Variants in USP9X observed in about 807,000 individuals in gnomAD.
USP9X encodes the protein ubiquitin carboxyl-terminal hydrolase 9X.
A neutral mutation model predicts 190.3 loss-of-function variants in USP9X; 7 were observed. The observed-to-expected ratio is 0.04, with a 90% confidence interval of 0.02 to 0.07. The LOEUF (loss-of-function observed/expected upper bound fraction) is 0.07. USP9X is among the 10% of genes least tolerant of loss of function. The pLI, the probability that USP9X is intolerant of heterozygous loss-of-function variation, is 1.00. For synonymous variants in USP9X, 645 were observed against 659.5 expected (o/e 0.98, Z 0.34); for missense variants, 1,010 against 1,916.9 (o/e 0.53, Z 8.83).
At chrX:41,197,331 T>TGCG in intron 28 of USP9X, 33 bp from the exon 29 acceptor site, 10 of 486,759 alleles carry the variant, frequency 2.1e-5, no homozygotes, top group South Asian at 1.2e-4. Flanking sequence ...TTTGATTTCT[T>TGCG]CCCCCCCCCA....
chrX:41,158,740 G>T (rs936685520), intron 14 of USP9X, among the ~76,000 whole-genome samples: 2 of 111,266 alleles, frequency 1.8e-5, no homozygotes, highest in African/African-American at 6.5e-5. Context: ...TGGGGGGTGG[G>T]GGGCTCACCT....
At chrX:41,202,855 A>C (rs1431016579) in intron 31 of USP9X, among the ~76,000 whole-genome samples, 1 of 111,947 alleles carries the variant, frequency 8.9e-6, no homozygotes, top group Non-Finnish European at 1.9e-5. Flanking sequence ...CACAATTTCA[A>C]ATAAGGTGTA....
intron 15 of USP9X, among the ~76,000 whole-genome samples, chrX:41,163,091 G>A (rs2062647153): frequency 8.9e-6 from 1 of 111,987 alleles, no homozygotes; most frequent in Non-Finnish European, 1.9e-5. Flanking sequence ...TTAACCTTTA[G>A]AATTGACTTC....
At chrX:41,189,582 C>A in intron 26 of USP9X, 107 bp downstream of exon 26, 1 of 745,493 alleles carries the variant, frequency 1.3e-6, no homozygotes. Context: ...GTCTCTATGG[C>A]ATATTGGTAT....
At chrX:41,157,395 G>A (rs1050424593) in intron 14 of USP9X, among the ~76,000 whole-genome samples, 13 of 110,885 alleles carry the variant, frequency 1.2e-4, no homozygotes, top group African/African-American at 4.3e-4. Context: ...AAATCTACTA[G>A]TCAAGGAGGC....
rs191983819 is a variant in USP9X at position 41,118,634 on chromosome X, C to T, written c.-158-4837C>T. 4.5e-5 allele frequency among the ~76,000 whole-genome samples: 5 copies of T among 111,433 alleles called. No individual in the cohort carries two copies. The Admixed American group carries it at 4.8e-4, about 11-fold the overall frequency. On this transcript the variant is annotated intron_variant, in intron 1 of 44. Coordinates refer to ENST00000378308, the MANE Select transcript of USP9X (RefSeq NM_001039591.3). ...CACTTGGGAATATATAGTCGCTAACCTCATCACTCTCAGGAGGAGATGGTA... is the reference window on the plus strand; with the variant it reads ...CACTTGGGAATATATAGTCGCTAACTTCATCACTCTCAGGAGGAGATGGTA...
intron 26 of USP9X, among the ~76,000 whole-genome samples, chrX:41,195,046 C>CTTTTTTTTTTCTTTT (rs931341447): frequency 3.8e-5 from 4 of 104,686 alleles, no homozygotes; most frequent in Non-Finnish European, 7.8e-5. Flanking sequence ...TTTTTTCTTT[C>CTTTTTTTTTTCTTTT]TTTTTTTTGG....
chrX:41,098,471 A>G (rs191588481), intron 1 of USP9X, among the ~76,000 whole-genome samples: 1 of 108,668 alleles, frequency 9.2e-6, no homozygotes, highest in Admixed American at 9.9e-5. Context: ...TGTTATGCCT[A>G]TTTTTGAACT....
intron 38 of USP9X, among the ~76,000 whole-genome samples, chrX:41,219,652 A>T (rs1336840573): frequency 9.0e-6 from 1 of 111,492 alleles, no homozygotes. Context: ...GTTTTTGTTT[A>T]AGTAAACTAC....
chrX:41,184,242 T>C, intron 22 of USP9X, 114 bp downstream of exon 22: 1 of 1,011,580 alleles, frequency 9.9e-7, no homozygotes, highest in African/African-American at 1.9e-5. Context: ...TTGGGTAAAA[T>C]TGTAATGAAG....
At chrX:41,131,089 GTC>G (rs767554213) in intron 3 of USP9X, among the ~76,000 whole-genome samples, 10 of 109,883 alleles carry the variant, frequency 9.1e-5, no homozygotes, top group African/African-American at 3.3e-4. Context: ...TTATCATAAT[GTC>G]TCCTTTGATC....
chrX:41,092,937 A>G (rs763437645), intron 1 of USP9X, among the ~76,000 whole-genome samples: 2 of 110,747 alleles, frequency 1.8e-5, no homozygotes, highest in South Asian at 7.7e-4. Flanking sequence ...TGGTGACGCA[A>G]TCATAGCTCA....
chrX:41,130,329 C>G (rs2062297790), intron 3 of USP9X, among the ~76,000 whole-genome samples: 1 of 110,501 alleles, frequency 9.0e-6, no homozygotes, highest in Admixed American at 9.6e-5. Context: ...GATACCATAG[C>G]AGAAGGTTGT....
At chrX:41,152,799 T>A (rs1226101344) in intron 13 of USP9X, 149 bp from the exon 14 acceptor site, 4 of 518,432 alleles carry the variant, frequency 7.7e-6, no homozygotes, top group Non-Finnish European at 1.2e-5. Flanking sequence ...TTTAAGTTGG[T>A]TGTGATATTT....
chrX:41,172,583 C>T (rs2062736580), intron 21 of USP9X, among the ~76,000 whole-genome samples: 1 of 111,945 alleles, frequency 8.9e-6, no homozygotes, highest in African/African-American at 3.2e-5. Context: ...ACCCCCACAT[C>T]CTCCCAGTAT....
intron 26 of USP9X, 101 bp downstream of exon 26, chrX:41,189,576 C>T: frequency 1.3e-6 from 1 of 780,012 alleles, no homozygotes; most frequent in Non-Finnish European, 1.8e-6. Context: ...TTTATTGTCT[C>T]TATGGCATAT....
chrX:41,177,117 TAA>T (rs1204274231), intron 21 of USP9X, among the ~76,000 whole-genome samples: 2 of 112,272 alleles, frequency 1.8e-5, no homozygotes, highest in African/African-American at 6.5e-5. Context: ...ATATGTCTTC[TAA>T]AAACAAGAAT....
At chrX:41,129,205 C>T (rs2062285185) in intron 3 of USP9X, 60 bp downstream of exon 3, 3 of 1,095,503 alleles carry the variant, frequency 2.7e-6, no homozygotes, top group African/African-American at 3.7e-5. Flanking sequence ...CCACTGCCTC[C>T]TTAATAGTCT....
chrX:41,104,482 G>A (rs763715346), intron 1 of USP9X, among the ~76,000 whole-genome samples: 5 of 112,294 alleles, frequency 4.5e-5, no homozygotes, highest in African/African-American at 1.6e-4. Flanking sequence ...TAAAACTGTT[G>A]AGGCTGTTCA....
Sources: allele counts gnomAD v4.1 joint callset (sites outside exome capture counted in the v4.1 genomes callset), GRCh38; gene constraint gnomAD v4.1.1; transcripts MANE v1.5; gene names NCBI Gene and HGNC (gene_info 2026-07-23, HGNC 2026-07-21).